Variants in TXN2 observed in about 807,000 individuals in gnomAD.
The protein encoded by TXN2 is thioredoxin, mitochondrial.
TXN2 carries 12 observed loss-of-function variants against 14.6 expected under a neutral mutation model. The observed-to-expected ratio is 0.82, with a 90% CI of 0.53 to 1.33. The LOEUF (loss-of-function observed/expected upper bound fraction) is 1.33. Among genes scored for constraint, TXN2 ranks in the 40% most tolerant of loss-of-function variants. The pLI is 0.00. For synonymous variants in TXN2, 89 were observed against 81.0 expected, an observed-to-expected ratio of 1.10 and a Z score of -0.53; for missense variants, 173 against 207.7, an observed-to-expected ratio of 0.83 and a Z score of 1.03.
intron 2 of TXN2, among the ~76,000 whole-genome samples, chr22:36,478,338 C>T (rs915366040): frequency 2.6e-5 from 4 of 152,092 alleles, no homozygotes; most frequent in African/African-American, 9.7e-5. Flanking sequence ...GAACAACTCA[C>T]ACCACCCCAC....
chr22:36,469,120 A>C (rs928652449), intron 3 of TXN2, among the ~76,000 whole-genome samples: 3 of 152,236 alleles, frequency 2.0e-5, no homozygotes, highest in Non-Finnish European at 4.4e-5. Context: ...TCCGGCTCCT[A>C]CCAGCCAGGT....
At chr22:36,474,050 G>A (rs928680764) in intron 3 of TXN2, among the ~76,000 whole-genome samples, 2 of 152,204 alleles carry the variant, frequency 1.3e-5, no homozygotes, top group African/African-American at 2.4e-5. Context: ...TGAAGCCCAC[G>A]CGTGACCTGT....
At chr22:36,475,098 C>G (rs1280960444) in intron 3 of TXN2, among the ~76,000 whole-genome samples, 2 of 152,264 alleles carry the variant, frequency 1.3e-5, no homozygotes, top group African/African-American at 4.8e-5. Context: ...AAGAAACCCG[C>G]TGGGCGCGGT....
intron 3 of TXN2, among the ~76,000 whole-genome samples, chr22:36,475,884 G>A (rs1367018050): frequency 6.6e-6 from 1 of 152,068 alleles, no homozygotes; most frequent in African/African-American, 2.4e-5. Context: ...CCTCCTCTGC[G>A]CATCCCTCAT....
chr22:36,467,486 G>T lies in TXN2; in HGVS notation c.*318C>A. 1 of 324,150 alleles carries T rather than the reference G, an allele frequency of 3.1e-6. No individual in the cohort carries two copies. Among genetic ancestry groups the T allele is most frequent in the Non-Finnish European group, 5.9e-6 (1 of 169,936 alleles). 20.1% of individuals were successfully genotyped at this position (324,150 alleles called of 1,614,324 possible). A position where few individuals can be genotyped will look rare whatever the true frequency, so the allele number is the denominator to read the frequency against. ...GGGACCAAGATGAGGACCAAGGTGT[G>T]GCTGCCTGACTAGGAACGCTGTGGG... On this transcript the variant is annotated 3_prime_UTR_variant, in exon 4 of 4. Transcript: ENST00000216185.
chr22:36,477,128 T>C (rs1981085941), intron 2 of TXN2, among the ~76,000 whole-genome samples: 1 of 152,206 alleles, frequency 6.6e-6, no homozygotes, highest in Non-Finnish European at 1.5e-5. Context: ...TACTGTCATA[T>C]AAAAGGATAT....
rs140441604 is a variant in TXN2 at position 36,475,566 on chromosome 22, T to C, written c.387+1167A>G. On this transcript the variant is annotated intron_variant, in intron 3 of 3. Transcript: ENST00000216185. ...CAGCCATGCCCATTTGTTTGTATAGTGTCTATGGCTGCTTTCGGCTACGAG... is the reference window on the plus strand; with the variant it reads ...CAGCCATGCCCATTTGTTTGTATAGCGTCTATGGCTGCTTTCGGCTACGAG... 6.6e-5 allele frequency among the ~76,000 whole-genome samples: 10 copies of C among 152,320 alleles called. 1 individual carries two copies. Among genetic ancestry groups the C allele is most frequent in the Middle Eastern group, 6.8e-3 (2 of 294 alleles).
At chr22:36,476,059 T>C (rs1193715178) in intron 3 of TXN2, among the ~76,000 whole-genome samples, 3 of 152,152 alleles carry the variant, frequency 2.0e-5, no homozygotes, top group African/African-American at 7.2e-5. Flanking sequence ...GGAGAGATCT[T>C]GCTTGGAAAC....
chr22:36,480,745 G>C lies in TXN2; in HGVS notation c.93C>G (p.Ala31=). The C allele has an allele frequency of 6.2e-7, 1 of 1,614,044 alleles. No homozygotes were observed. Among genetic ancestry groups the C allele is most frequent in the East Asian group, 2.2e-5 (1 of 44,876 alleles). Residue 31 remains alanine, a synonymous_variant, in exon 2 of 4, where the codon GCC becomes GCG. Coordinates refer to ENST00000216185, the MANE Select transcript of TXN2 (RefSeq NM_012473.4). ...QGQWPPLTSR[A]LQTPQCSPGG... ...CAGGACTGCATTGTGGGGTCTGCAG[G>C]GCTCTGGAAGTGAGGGGTGGCCACT...
chr22:36,474,829 A>C (rs1933353782), intron 3 of TXN2, among the ~76,000 whole-genome samples: 1 of 151,662 alleles, frequency 6.6e-6, no homozygotes, highest in Admixed American at 6.6e-5. Flanking sequence ...TCGGCCCTTC[A>C]CTCTGGCCAC....
At chr22:36,475,994 T>C (rs1933377837) in intron 3 of TXN2, among the ~76,000 whole-genome samples, 1 of 152,170 alleles carries the variant, frequency 6.6e-6, no homozygotes, top group Non-Finnish European at 1.5e-5. Context: ...CCTCTTCTTT[T>C]AGCACTTCTA....
intron 3 of TXN2, among the ~76,000 whole-genome samples, chr22:36,472,697 G>A (rs753788077): frequency 7.9e-5 from 12 of 152,166 alleles, no homozygotes; most frequent in Non-Finnish European, 1.8e-4. Flanking sequence ...AAGGAGAGGT[G>A]AACTGCTGGA....
At chr22:36,467,969 A>C in intron 3 of TXN2, 52 bp from the exon 4 acceptor site, 72 of 1,482,832 alleles carry the variant, frequency 4.9e-5, no homozygotes, top group Non-Finnish European at 6.2e-5. Flanking sequence ...AATACTTCTC[A>C]ACTGCCACTC....
At chr22:36,476,269 C>T (rs1173311097) in intron 3 of TXN2, among the ~76,000 whole-genome samples, 1 of 152,160 alleles carries the variant, frequency 6.6e-6, no homozygotes, top group Non-Finnish European at 1.5e-5. Flanking sequence ...CAAGAGCCAC[C>T]TCTGCAAAGT....
intron 2 of TXN2, among the ~76,000 whole-genome samples, chr22:36,479,281 C>A (rs889246625): frequency 1.3e-5 from 2 of 152,076 alleles, no homozygotes; most frequent in Non-Finnish European, 2.9e-5. Context: ...AACTGGAAAG[C>A]CAGCGAAACA....
At chr22:36,480,892 A>T in intron 1 of TXN2, 55 bp from the exon 2 acceptor site, 2 of 1,507,458 alleles carry the variant, frequency 1.3e-6, no homozygotes, top group Non-Finnish European at 1.8e-6. Context: ...TCGACACACT[A>T]GAAAAAGATT....
At chr22:36,473,546 G>C (rs1173429542) in intron 3 of TXN2, among the ~76,000 whole-genome samples, 1 of 152,156 alleles carries the variant, frequency 6.6e-6, no homozygotes, top group Non-Finnish European at 1.5e-5. Flanking sequence ...AAAGAAAAGA[G>C]GAAGGAAGGA....
chr22:36,478,280 C>T (rs1933429524), intron 2 of TXN2, among the ~76,000 whole-genome samples: 1 of 152,142 alleles, frequency 6.6e-6, no homozygotes, highest in African/African-American at 2.4e-5. Context: ...AGGCCTGGTG[C>T]TGTCATCTCT....
chr22:36,480,789 TG>T lies in TXN2; in HGVS notation c.48del (p.Arg17GlyfsTer26), dbSNP rs759410715. ...GGCCACTGACCCTGAGAGGGCTTCC[TG>T]GAGATGACAGAGGCCAGGAACCTCC... ...LLRRFLASVI[S>X]RKPSQGQWPP... On this transcript the variant is annotated frameshift_variant, in exon 2 of 4. Coordinates refer to ENST00000216185, the MANE Select transcript of TXN2 (RefSeq NM_012473.4). LOFTEE classifies it high-confidence loss of function. 4 of 1,610,594 alleles carry T rather than the reference TG, an allele frequency of 2.5e-6. No individual in the cohort carries two copies. The highest frequency in any genetic ancestry group is 3.4e-6 in the Non-Finnish European group (4 of 1,177,786).
Sources: allele counts gnomAD v4.1 joint callset (sites outside exome capture counted in the v4.1 genomes callset), GRCh38; gene constraint gnomAD v4.1.1; transcripts MANE v1.5; gene names NCBI Gene and HGNC (gene_info 2026-07-23, HGNC 2026-07-21).